Variants in ATP5ME observed in about 807,000 individuals in gnomAD.
ATP5ME encodes the protein ATP synthase membrane subunit e.
ATP5ME carries 10 observed loss-of-function variants against 11.6 expected under a neutral mutation model. The observed-to-expected ratio is 0.86, with a 90% confidence interval of 0.53 to 1.46. The LOEUF is 1.46. Ranked by LOEUF, ATP5ME falls within the 40% of genes most tolerant of loss-of-function variation. The pLI, the probability that ATP5ME is intolerant of heterozygous loss-of-function variation, is 0.00. For synonymous variants in ATP5ME, 45 were observed against 33.5 expected, an observed-to-expected ratio of 1.34 and a Z score of -1.19; for missense variants, 115 against 85.4, an observed-to-expected ratio of 1.35 and a Z score of -1.37.
chr4:672,601 T>TA (rs1431832504), intron 3 of ATP5ME, 82 bp from the exon 4 acceptor site: 2 of 1,337,312 alleles, frequency 1.5e-6, no homozygotes, highest in East Asian at 2.4e-5. Flanking sequence ...CAGTTATTTT[T>TA]TTTTTTTTTT....
chr4:673,706 G>A, intron 2 of ATP5ME: 1 of 845,936 alleles, frequency 1.2e-6, no homozygotes, highest in Non-Finnish European at 1.8e-6. Flanking sequence ...AGAAGCAGCC[G>A]TTTTCGAGTC....
intron 3 of ATP5ME, among the ~76,000 whole-genome samples, chr4:672,721 A>G (rs1285564572): frequency 1.3e-5 from 2 of 151,546 alleles, no homozygotes; most frequent in Non-Finnish European, 2.9e-5. Context: ...CCTTCTGAGT[A>G]GCTGGGATTA....
In ATP5ME at chr4:672,467, G is replaced by A. The variant is rs201206203; in HGVS notation, c.*33C>T. 1.4e-4 allele frequency: 232 copies of A among 1,613,574 alleles called. 1 individual carries two copies. The South Asian group carries it at 1.5e-3, about 10-fold the overall frequency. ...ACAACACAGGAAGCTTTATTCATCC[G>A]CTGCTGGTCCAAAGAGTGGGTCGCA... is the stretch of plus-strand genomic sequence containing the variant. On this transcript the variant is annotated 3_prime_UTR_variant, in exon 4 of 4. Coordinates refer to ENST00000304312, the MANE Select transcript of ATP5ME (RefSeq NM_007100.4).
intron 2 of ATP5ME, 133 bp downstream of exon 2, chr4:673,779 C>T: frequency 1.6e-6 from 2 of 1,270,378 alleles, no homozygotes; most frequent in Admixed American, 2.0e-5. Context: ...GGGTCACGCT[C>T]GGTGGAGGAC....
rs201675634 is a variant in ATP5ME, at chr4:672,527, C to G, written c.191-8G>C. The stretch of plus-strand genomic sequence containing the variant: ...ACTTTAATATGCTGTCATCTTGGGC[C>G]GGAAGGTTAGAAGAAAAGCACATGT... On this transcript the variant is annotated splice_polypyrimidine_tract_variant and splice_region_variant and intron_variant, in intron 3 of 3. Transcript: ENST00000304312. 6.9e-5 allele frequency: 112 copies of G among 1,613,672 alleles called. No homozygotes were observed. In the African/African-American group the frequency reaches 1.4e-3, roughly 20 times the overall value.
At chr4:673,691 C>T in intron 2 of ATP5ME, 1 of 787,874 alleles carries the variant, frequency 1.3e-6, no homozygotes, top group East Asian at 2.7e-5. Flanking sequence ...CACCCGTTTT[C>T]ACCAAGAAGC....
At chr4:673,765 A>G (rs1035731924) in intron 2 of ATP5ME, 147 bp downstream of exon 2, 44 of 1,181,716 alleles carry the variant, frequency 3.7e-5, no homozygotes, top group Middle Eastern at 4.7e-4. Context: ...TGATTCCACT[A>G]TCGGGGTCAC....
At position 674,221 on chromosome 4, in the gene ATP5ME, C is replaced by A; in HGVS notation, c.27G>T (p.Pro9=). Residue 9 remains proline (P), a synonymous_variant, in exon 1 of 4, where the codon CCG becomes CCT. Coordinates refer to ENST00000304312, the MANE Select transcript of ATP5ME (RefSeq NM_007100.4). The part of the protein sequence containing the change: MVPPVQVS[P]LIKLGRYSAL... ...GCAAAGCCTGGATCACCTTGATGAG[C>A]GGAGAGACCTGCACCGGTGGCACCA... 1 of 1,611,818 alleles carries A rather than the reference C, an allele frequency of 6.2e-7. No individual in the cohort carries two copies. Among genetic ancestry groups the A allele is most frequent in the South Asian group, 1.1e-5 (1 of 91,006 alleles).
intron 3 of ATP5ME, among the ~76,000 whole-genome samples, chr4:673,098 G>A (rs555619438): frequency 6.6e-6 from 1 of 152,356 alleles, no homozygotes; most frequent in East Asian, 1.9e-4. Context: ...TGGTCAGGCT[G>A]GTCTTGAACT....
At chr4:673,991 G>T in intron 1 of ATP5ME, 25 bp from the exon 2 acceptor site, 1 of 1,542,388 alleles carries the variant, frequency 6.5e-7, no homozygotes, top group Non-Finnish European at 8.7e-7. Flanking sequence ...GGTCAGAGGC[G>T]GCGCGAAACG....
In ATP5ME at chr4:672,527, C is replaced by T. The variant is rs201675634; in HGVS notation, c.191-8G>A. 50 of 1,613,570 alleles carry T rather than the reference C, an allele frequency of 3.1e-5. No individual in the cohort carries two copies. The highest frequency in any genetic ancestry group is 3.4e-5 in the Non-Finnish European group (40 of 1,179,936). On this transcript the variant is annotated splice_polypyrimidine_tract_variant and splice_region_variant and intron_variant, in intron 3 of 3. Transcript: ENST00000304312. ...ACTTTAATATGCTGTCATCTTGGGC[C>T]GGAAGGTTAGAAGAAAAGCACATGT... is the stretch of plus-strand genomic sequence containing the variant.
chr4:673,506 C>T (rs1047923788), intron 2 of ATP5ME, 105 bp from the exon 3 acceptor site: 3 of 1,564,072 alleles, frequency 1.9e-6, no homozygotes, highest in Non-Finnish European at 2.6e-6. Flanking sequence ...ACCAGACGCA[C>T]CTGCTGTTCC....
At chr4:673,566 C>G in intron 2 of ATP5ME, 165 bp from the exon 3 acceptor site, 2 of 1,278,640 alleles carry the variant, frequency 1.6e-6, no homozygotes, top group Non-Finnish European at 2.1e-6. Context: ...CCTGACGAGT[C>G]CAACCCAGAG....
intron 3 of ATP5ME, among the ~76,000 whole-genome samples, chr4:672,861 C>T (rs559179114): frequency 6.6e-6 from 1 of 152,362 alleles, no homozygotes; most frequent in South Asian, 2.1e-4. Context: ...AATTCTCATG[C>T]CTCAGCTTTC....
rs760961915 is a variant in ATP5ME at position 674,222 on chromosome 4, G to C, written c.26C>G (p.Pro9Arg). The C allele has an allele frequency of 1.6e-5, 26 of 1,611,870 alleles. No homozygotes were observed. The highest frequency in any genetic ancestry group is 2.0e-5 in the Non-Finnish European group (24 of 1,179,332). ...CAAAGCCTGGATCACCTTGATGAGCGGAGAGACCTGCACCGGTGGCACCAT... is the reference window on the plus strand; with the variant it reads ...CAAAGCCTGGATCACCTTGATGAGCCGAGAGACCTGCACCGGTGGCACCAT... MVPPVQVSPLIKLGRYSAL... is the reference protein window; with the variant it reads MVPPVQVSRLIKLGRYSAL... The change falls in exon 1 of 4, where the codon CCG becomes CGG. Residue 9 changes from proline to arginine, a missense_variant. Pro to Arg is a moderately radical substitution (Grantham distance 103, BLOSUM62 -2). Transcript: ENST00000304312.
intron 1 of ATP5ME, 116 bp from the exon 2 acceptor site, chr4:674,082 G>A (rs1738661822): frequency 1.4e-6 from 2 of 1,411,800 alleles, no homozygotes; most frequent in Non-Finnish European, 1.9e-6. Context: ...GGGTCCGGTC[G>A]CCGGGCGAGG....
chr4:673,171 C>T lies in ATP5ME; in HGVS notation c.190+132G>A. ...AGTGCTGGGATACAGGCATGAGCCACCACGCCTGGCCAGCTTCCCCATTTT... is the reference window on the plus strand; with the variant it reads ...AGTGCTGGGATACAGGCATGAGCCATCACGCCTGGCCAGCTTCCCCATTTT... On this transcript the variant is annotated intron_variant, in intron 3 of 3. Coordinates refer to ENST00000304312, the MANE Select transcript of ATP5ME (RefSeq NM_007100.4). 3 of 1,424,530 alleles carry T rather than the reference C, an allele frequency of 2.1e-6. 1 individual carries two copies. Among genetic ancestry groups the T allele is most frequent in the South Asian group, 2.6e-5 (2 of 75,596 alleles). The allele number at this position is 1,424,530 out of a possible 1,614,324, so 88.2% of individuals were successfully genotyped here.
At chr4:673,820 C>G (rs866875390) in intron 2 of ATP5ME, 92 bp downstream of exon 2, 4 of 1,482,396 alleles carry the variant, frequency 2.7e-6, no homozygotes, top group Admixed American at 3.9e-5. Flanking sequence ...GCGTCCCAAG[C>G]CCCCTTCCAG....
chr4:674,038 C>T (rs973551721), intron 1 of ATP5ME, 72 bp from the exon 2 acceptor site: 12 of 574,380 alleles, frequency 2.1e-5, no homozygotes, highest in Non-Finnish European at 3.2e-5. Context: ...GGAGGGGGGG[C>T]GGGGTCGCTG....
Sources: gnomAD v4.1 joint callset for allele counts (sites outside exome capture counted in the v4.1 genomes callset) on GRCh38, gnomAD v4.1.1 for gene constraint, MANE v1.5 for transcripts, NCBI Gene and HGNC (gene_info 2026-07-23, HGNC 2026-07-21) for gene names.